SORCS2: variants seen among roughly 807,000 people sequenced by gnomAD.
SORCS2 encodes VPS10 domain-containing receptor SorCS2.
A neutral mutation model predicts 141.6 loss-of-function variants in SORCS2; 100 were observed. That is an observed-to-expected ratio of 0.71 (90% CI 0.60 to 0.83). The LOEUF is 0.83. Among genes scored for constraint, SORCS2 ranks in the 40% least tolerant of loss-of-function variants. The probability of loss-of-function intolerance (pLI) is 0.00; values close to 1 mark genes in which losing one functional copy is unlikely to be tolerated. For synonymous variants in SORCS2, 789 were observed against 676.9 expected, an observed-to-expected ratio of 1.17 and a Z score of -2.57; for missense variants, 1,646 against 1,560.2, an observed-to-expected ratio of 1.05 and a Z score of -0.93.
chr4:7,246,273 C>T (rs1447204380), intron 1 of SORCS2, among the ~76,000 whole-genome samples: 2 of 152,196 alleles, frequency 1.3e-5, no homozygotes, highest in Non-Finnish European at 2.9e-5. Flanking sequence ...ATGTAAGGAA[C>T]CCCCATCCAC....
chr4:7,733,958 G>A (rs975068264), intron 24 of SORCS2, among the ~76,000 whole-genome samples: 1 of 152,148 alleles, frequency 6.6e-6, no homozygotes, highest in Admixed American at 6.5e-5. Flanking sequence ...CGCCGGCCAC[G>A]GGCATGGAAC....
At chr4:7,531,704 C>A in intron 3 of SORCS2, 75 bp downstream of exon 3, 2 of 1,400,978 alleles carry the variant, frequency 1.4e-6, no homozygotes, top group Non-Finnish European at 2.0e-6. Context: ...AAGGAAGCTG[C>A]TGCCCTGCCC....
rs759575027 is a variant in SORCS2 at position 7,723,852 on chromosome 4, C to T, written c.2580C>T (p.His860=). The T allele has an allele frequency of 2.7e-5, 44 of 1,610,854 alleles. No individual in the cohort carries two copies. The highest frequency in any genetic ancestry group is 6.7e-5 in the East Asian group (3 of 44,888). ...TCAGGGCAGAGAACACGGCAGGCCA[C>T]GATGAGGCGGTGCTCTTTGTCCAGG... ...VSVRAENTAG[H]DEAVLFVQVN... The change falls in exon 19 of 27, where the codon CAC becomes CAT. Residue 860 remains histidine, a synonymous_variant. Transcript: ENST00000507866.
chr4:7,595,090 C>T (rs769835760), intron 3 of SORCS2, among the ~76,000 whole-genome samples: 1 of 152,178 alleles, frequency 6.6e-6, no homozygotes, highest in Non-Finnish European at 1.5e-5. Flanking sequence ...CAGGCTGGCA[C>T]TTCTGCTGGA....
chr4:7,738,109 C>G (rs569823628), intron 26 of SORCS2, among the ~76,000 whole-genome samples: 2 of 152,218 alleles, frequency 1.3e-5, no homozygotes, highest in Non-Finnish European at 2.9e-5. Context: ...GGAGGGGACA[C>G]GGACTGCATC....
intron 3 of SORCS2, among the ~76,000 whole-genome samples, chr4:7,608,110 G>T (rs1718174972): frequency 6.6e-6 from 1 of 152,186 alleles, no homozygotes; most frequent in Non-Finnish European, 1.5e-5. Flanking sequence ...GGGCACCCCT[G>T]GGAGCTAGTG....
At chr4:7,467,049 G>A (rs1008861000) in intron 2 of SORCS2, among the ~76,000 whole-genome samples, 4 of 152,166 alleles carry the variant, frequency 2.6e-5, no homozygotes, top group African/African-American at 9.7e-5. Context: ...TTGGAGGGAA[G>A]ACACTGAAGC....
At chr4:7,377,618 C>G (rs1360615160) in intron 1 of SORCS2, among the ~76,000 whole-genome samples, 2 of 152,218 alleles carry the variant, frequency 1.3e-5, no homozygotes, top group East Asian at 3.8e-4. Context: ...GGAGATGGCT[C>G]TGTTTTTAGC....
intron 17 of SORCS2, among the ~76,000 whole-genome samples, 188 bp downstream of exon 17, chr4:7,715,499 C>T (rs1224954682): frequency 2.6e-5 from 4 of 152,212 alleles, no homozygotes; most frequent in Admixed American, 1.3e-4. Flanking sequence ...TCATATGAGT[C>T]ACCAGACATC....
At chr4:7,675,104 A>G (rs905880438) in intron 8 of SORCS2, among the ~76,000 whole-genome samples, 2 of 152,186 alleles carry the variant, frequency 1.3e-5, no homozygotes, top group African/African-American at 4.8e-5. Flanking sequence ...CCCACATAGC[A>G]TTTGTTGCTG....
rs370469470 is a variant in SORCS2, at chr4:7,723,820, G to A, written c.2548G>A (p.Val850Met). Residue 850 changes from valine (V) to methionine (M), a missense_variant, in exon 19 of 27, where the codon GTG (valine) becomes ATG (methionine). Transcript: ENST00000507866. ...CTACGAGAGCCCCGGCATCTACCGCGTGTCCGTCAGGGCAGAGAACACGGC... is the reference window on the plus strand; with the variant it reads ...CTACGAGAGCCCCGGCATCTACCGCATGTCCGTCAGGGCAGAGAACACGGC... ...HRYESPGIYR[V>M]SVRAENTAGH... 1.8e-4 allele frequency: 291 copies of A among 1,613,410 alleles called. 1 individual carries two copies. Among genetic ancestry groups the A allele is most frequent in the South Asian group, 1.7e-3 (151 of 91,084 alleles).
chr4:7,542,865 C>T (rs538019623), intron 3 of SORCS2, among the ~76,000 whole-genome samples: 2 of 152,336 alleles, frequency 1.3e-5, no homozygotes, highest in East Asian at 1.9e-4. Flanking sequence ...CACAGCACTG[C>T]CTCTTACGCT....
At chr4:7,679,151 G>A (rs1030318931) in intron 9 of SORCS2, among the ~76,000 whole-genome samples, 4 of 152,162 alleles carry the variant, frequency 2.6e-5, no homozygotes, top group African/African-American at 7.2e-5. Context: ...TGGTACAGAC[G>A]GCAGAGCCAG....
At chr4:7,673,656 C>A (rs1401123257) in intron 8 of SORCS2, among the ~76,000 whole-genome samples, 46 of 152,316 alleles carry the variant, frequency 3.0e-4, no homozygotes, top group Non-Finnish European at 1.5e-5. Flanking sequence ...AACCTCGAGT[C>A]ACTTTATGCA....
intron 1 of SORCS2, among the ~76,000 whole-genome samples, chr4:7,373,478 A>ATATATATATATATATATTTTTTTTT (rs1470691140): frequency 2.7e-5 from 1 of 36,818 alleles, no homozygotes; most frequent in African/African-American, 1.6e-4. Flanking sequence ...ATATATATAT[A>ATATATATATATATATATTTTTTTTT]TTTTTTTTTT....
At chr4:7,287,369 T>C (rs1236344473) in intron 1 of SORCS2, among the ~76,000 whole-genome samples, 1 of 152,214 alleles carries the variant, frequency 6.6e-6, no homozygotes, top group Non-Finnish European at 1.5e-5. Context: ...CCCAACGGGT[T>C]CTCAGTCTGG....
intron 21 of SORCS2, among the ~76,000 whole-genome samples, chr4:7,727,255 C>G (rs1727284707): frequency 6.6e-6 from 1 of 152,250 alleles, no homozygotes; most frequent in African/African-American, 2.4e-5. Flanking sequence ...CTTGGCACCT[C>G]TGGCCAAGCC....
chr4:7,280,133 C>G (rs1168431452), intron 1 of SORCS2, among the ~76,000 whole-genome samples: 1 of 152,090 alleles, frequency 6.6e-6, no homozygotes, highest in Non-Finnish European at 1.5e-5. Flanking sequence ...CTCATATTTC[C>G]TAAGGACAAA....
intron 2 of SORCS2, among the ~76,000 whole-genome samples, chr4:7,437,804 C>G (rs1727406128): frequency 6.6e-6 from 1 of 152,104 alleles, no homozygotes; most frequent in Non-Finnish European, 1.5e-5. Flanking sequence ...GTACCTTTGC[C>G]CAGACACACC....
Sources: allele counts gnomAD v4.1 joint callset (sites outside exome capture counted in the v4.1 genomes callset), GRCh38; gene constraint gnomAD v4.1.1; transcripts MANE v1.5; gene names NCBI Gene and HGNC (gene_info 2026-07-23, HGNC 2026-07-21).